The following TMEM132D variants were observed in gnomAD, a reference collection of about 807,000 sequenced individuals.
TMEM132D encodes the protein mature OL transmembrane protein.
In TMEM132D, 21 loss-of-function variants were observed where a neutral mutation model predicts 62.3. The ratio of observed to expected loss-of-function variants is 0.34; its 90% CI spans 0.24 to 0.49. The LOEUF is 0.49. Ranked by LOEUF, TMEM132D falls within the 20% of genes least tolerant of loss-of-function variation. TMEM132D has a pLI of 0.99. For synonymous variants in TMEM132D, 621 were observed against 575.6 expected (o/e 1.08, Z -1.13); for missense variants, 1,346 against 1,402.8 (o/e 0.96, Z 0.65).
At chr12:129,138,645 C>G in intron 5 of TMEM132D, among the ~76,000 whole-genome samples, 1 of 152,252 alleles carries the variant, frequency 6.6e-6, no homozygotes. Flanking sequence ...TGCTTGAACC[C>G]GGGAGGCAAA....
intron 3 of TMEM132D, among the ~76,000 whole-genome samples, chr12:129,487,956 A>T (rs1460344887): frequency 6.8e-6 from 1 of 146,268 alleles, no homozygotes; most frequent in African/African-American, 2.5e-5. Flanking sequence ...AAAAAAAAAA[A>T]AAAAAAAGAG....
chr12:129,645,280 T>TTC (rs1297366584), intron 2 of TMEM132D, among the ~76,000 whole-genome samples: 2 of 152,096 alleles, frequency 1.3e-5, no homozygotes, highest in Admixed American at 6.5e-5. Flanking sequence ...GCCTTTTCCT[T>TTC]TCTCTCTCTC....
intron 4 of TMEM132D, among the ~76,000 whole-genome samples, chr12:129,257,431 A>G (rs1013876430): frequency 6.6e-5 from 10 of 151,722 alleles, no homozygotes; most frequent in Admixed American, 2.6e-4. Context: ...GGATGGTCTC[A>G]ATCTCCTGAC....
chr12:129,510,764 AT>A (rs1333372184), intron 3 of TMEM132D, among the ~76,000 whole-genome samples: 7 of 151,960 alleles, frequency 4.6e-5, no homozygotes, highest in Non-Finnish European at 1.5e-5. Flanking sequence ...TCTAATAATT[AT>A]TTTTTGCCAT....
chr12:129,536,150 C>G lies in TMEM132D; in HGVS notation c.969-4945G>C, dbSNP rs115341522. On this transcript the variant is annotated intron_variant, in intron 2 of 8. Transcript: ENST00000422113. Reference sequence around the variant, plus strand: ...TCTCCCCCAGAGATTCATGTGGCCACATAGTCTCTGCATAGATAAAATCCT... The same window carrying G: ...TCTCCCCCAGAGATTCATGTGGCCAGATAGTCTCTGCATAGATAAAATCCT... Among the ~76,000 whole-genome samples, 365 of 152,302 alleles carry G rather than the reference C, an allele frequency of 2.4e-3. 1 individual carries two copies. Among genetic ancestry groups the G allele is most frequent in the African/African-American group, 8.3e-3 (347 of 41,564 alleles).
chr12:129,257,802 G>A (rs1345849860), intron 4 of TMEM132D, among the ~76,000 whole-genome samples: 3 of 152,186 alleles, frequency 2.0e-5, no homozygotes. Context: ...CCAATACCAC[G>A]TGGGGAGATG....
intron 3 of TMEM132D, among the ~76,000 whole-genome samples, chr12:129,491,941 CA>C (rs10673817): frequency 4.0e-4 from 60 of 149,260 alleles, no homozygotes; most frequent in African/African-American, 9.8e-4. Context: ...GATTCTGTCT[CA>C]AAAAAAAAAA....
intron 2 of TMEM132D, among the ~76,000 whole-genome samples, chr12:129,613,961 G>A (rs1276104251): frequency 1.3e-5 from 2 of 151,860 alleles, no homozygotes; most frequent in Non-Finnish European, 2.9e-5. Flanking sequence ...CCAGAACGCA[G>A]GGGACTGACT....
intron 3 of TMEM132D, among the ~76,000 whole-genome samples, chr12:129,515,369 T>C (rs954905367): frequency 6.6e-6 from 1 of 152,158 alleles, no homozygotes; most frequent in Non-Finnish European, 1.5e-5. Flanking sequence ...GATAAATGAA[T>C]GAACAAATGA....
In TMEM132D at chr12:129,881,676, C is replaced by T. The variant is rs567718397; in HGVS notation, c.79+21585G>A. Among the ~76,000 whole-genome samples the T allele has an allele frequency of 2.0e-5, 3 of 151,850 alleles. No individual in the cohort carries two copies. The South Asian group carries it at 6.2e-4, about 32-fold the overall frequency. ...AGAGAAAAATGTAGACTATTAGGAA[C>T]TGATGTAAGTAGAAAAGTCTCAAAA... On this transcript the variant is annotated intron_variant, in intron 1 of 8. Transcript: ENST00000422113.
intron 4 of TMEM132D, among the ~76,000 whole-genome samples, chr12:129,225,384 T>C (rs1443273281): frequency 6.6e-6 from 1 of 152,182 alleles, no homozygotes; most frequent in Non-Finnish European, 1.5e-5. Flanking sequence ...TTGGCCAAGG[T>C]ATGTCAGTTC....
At chr12:129,849,769 T>C (rs775138565) in intron 1 of TMEM132D, among the ~76,000 whole-genome samples, 1 of 152,178 alleles carries the variant, frequency 6.6e-6, no homozygotes, top group Non-Finnish European at 1.5e-5. Context: ...AACAGTCCTA[T>C]AAATTATGAT....
intron 1 of TMEM132D, among the ~76,000 whole-genome samples, chr12:129,887,161 CAG>C (rs753720451): frequency 6.6e-6 from 1 of 152,128 alleles, no homozygotes; most frequent in African/African-American, 2.4e-5. Context: ...ACCCAGTGAT[CAG>C]TAACCAGGGG....
At chr12:129,328,073 A>T (rs1868976435) in intron 4 of TMEM132D, among the ~76,000 whole-genome samples, 1 of 152,200 alleles carries the variant, frequency 6.6e-6, no homozygotes, top group African/African-American at 2.4e-5. Context: ...TCCTTTCACA[A>T]CTTCCCAGGC....
chr12:129,800,756 G>A (rs376579695), intron 1 of TMEM132D, among the ~76,000 whole-genome samples: 24 of 152,242 alleles, frequency 1.6e-4, no homozygotes, highest in Admixed American at 2.6e-4. Flanking sequence ...AGCTCCCAGC[G>A]AGAGCGACGC....
At chr12:129,656,555 T>G (rs1053240337) in intron 2 of TMEM132D, among the ~76,000 whole-genome samples, 8 of 152,118 alleles carry the variant, frequency 5.3e-5, no homozygotes, top group African/African-American at 1.9e-4. Context: ...ATACTAGGTG[T>G]GGTAAAGCAT....
intron 3 of TMEM132D, among the ~76,000 whole-genome samples, chr12:129,528,460 G>C (rs1876121534): frequency 6.9e-6 from 1 of 145,896 alleles, no homozygotes. Context: ...AAATCAAACA[G>C]TTCAAATGGT....
At chr12:129,534,709 A>G (rs1047430633) in intron 2 of TMEM132D, among the ~76,000 whole-genome samples, 2 of 152,194 alleles carry the variant, frequency 1.3e-5, no homozygotes, top group African/African-American at 2.4e-5. Flanking sequence ...AGGTGGACAC[A>G]TGACCTAAGC....
At chr12:129,615,579 C>T (rs1373344719) in intron 2 of TMEM132D, among the ~76,000 whole-genome samples, 23 of 139,528 alleles carry the variant, frequency 1.6e-4, no homozygotes. Context: ...AGTGAGACCC[C>T]ATCTCAAAAA....
Sources: allele counts gnomAD v4.1 joint callset (sites outside exome capture counted in the v4.1 genomes callset), GRCh38; gene constraint gnomAD v4.1.1; transcripts MANE v1.5; gene names NCBI Gene and HGNC (gene_info 2026-07-23, HGNC 2026-07-21).